UBE2H: variants seen among roughly 807,000 people sequenced by gnomAD.
UBE2H encodes ubiquitin conjugating enzyme E2 H.
A neutral mutation model predicts 29.0 loss-of-function variants in UBE2H; 3 were observed. The ratio of observed to expected loss-of-function variants is 0.10; its 90% CI spans 0.05 to 0.27. The LOEUF is 0.27. UBE2H is among the 10% of genes least tolerant of loss of function. The pLI, the probability that UBE2H is intolerant of heterozygous loss-of-function variation, is 1.00. For synonymous variants in UBE2H, 69 were observed against 82.9 expected (o/e 0.83, Z 0.91); for missense variants, 68 against 228.2 (o/e 0.30, Z 4.52).
intron 1 of UBE2H, among the ~76,000 whole-genome samples, chr7:129,932,903 G>A (rs972411135): frequency 6.6e-6 from 1 of 151,454 alleles, no homozygotes; most frequent in Non-Finnish European, 1.5e-5. Context: ...CATTCCCCTT[G>A]AAAGTATCTT....
At chr7:129,909,456 G>A (rs2116443089) in intron 1 of UBE2H, among the ~76,000 whole-genome samples, 1 of 152,308 alleles carries the variant, frequency 6.6e-6, no homozygotes, top group East Asian at 1.9e-4. Context: ...ACGGTTCAGA[G>A]CCCCAGGTTT....
intron 1 of UBE2H, among the ~76,000 whole-genome samples, chr7:129,928,004 G>A (rs1023269705): frequency 1.4e-5 from 2 of 146,266 alleles, no homozygotes; most frequent in African/African-American, 5.1e-5. Context: ...TGGGCAACAT[G>A]GCGAAATACC....
chr7:129,832,104 C>T lies in UBE2H; in HGVS notation c.*2833G>A, dbSNP rs182528989. 258 of 152,406 alleles carry T rather than the reference C, an allele frequency of 1.7e-3. No homozygotes were observed. The highest frequency in any genetic ancestry group is 5.6e-3 in the African/African-American group (231 of 41,580). The allele number at this position is 152,406 out of a possible 1,614,324, so 9.4% of individuals were successfully genotyped here. A position where few individuals can be genotyped will look rare whatever the true frequency, so the allele number is the denominator to read the frequency against. On this transcript the variant is annotated 3_prime_UTR_variant, in exon 7 of 7. Coordinates refer to ENST00000355621, the MANE Select transcript of UBE2H (RefSeq NM_003344.4). ...GGTGGTGAAACACCGCTGCTCCAGA[C>T]TTACGCTACCATCTATTGTTGGGGG...
At chr7:129,934,495 G>A (rs763256456) in intron 1 of UBE2H, among the ~76,000 whole-genome samples, 11 of 150,704 alleles carry the variant, frequency 7.3e-5, no homozygotes, top group Non-Finnish European at 1.6e-4. Context: ...AAAATTAGTC[G>A]GGCATGGTCG....
intron 1 of UBE2H, among the ~76,000 whole-genome samples, chr7:129,886,110 A>C (rs1806355418): frequency 6.6e-6 from 1 of 152,244 alleles, no homozygotes; most frequent in Non-Finnish European, 1.5e-5. Flanking sequence ...AATATCCTTC[A>C]GACATTGTTC....
intron 1 of UBE2H, among the ~76,000 whole-genome samples, chr7:129,927,316 T>A (rs1484072604): frequency 6.6e-6 from 1 of 151,006 alleles, no homozygotes; most frequent in Non-Finnish European, 1.5e-5. Context: ...CAGAGGGGGG[T>A]GGATCACAAG....
rs915566526 is a variant in UBE2H, at chr7:129,950,677, T to C, written c.53+1826A>G. 5.9e-5 allele frequency among the ~76,000 whole-genome samples: 9 copies of C among 152,336 alleles called. No homozygotes were observed. In the South Asian group the frequency reaches 1.9e-3, roughly 32 times the overall value. ...ATTAAACATTAGGTAGAAATTCGCA[T>C]TAGGTGTGACAGTAACTCTCAATTC... On this transcript the variant is annotated intron_variant, in intron 1 of 6. Transcript: ENST00000355621.
chr7:129,856,461 T>A (rs1285315917), intron 5 of UBE2H, among the ~76,000 whole-genome samples: 1 of 152,018 alleles, frequency 6.6e-6, no homozygotes, highest in East Asian at 1.9e-4. Context: ...AATAATCTAG[T>A]AGCACAAAAA....
intron 1 of UBE2H, among the ~76,000 whole-genome samples, chr7:129,905,667 A>G (rs752586224): frequency 6.6e-6 from 1 of 152,206 alleles, no homozygotes; most frequent in Non-Finnish European, 1.5e-5. Flanking sequence ...CCTCACAGAC[A>G]CAGAAAGAGA....
At chr7:129,899,603 C>G (rs1026672865) in intron 1 of UBE2H, among the ~76,000 whole-genome samples, 1 of 152,058 alleles carries the variant, frequency 6.6e-6, no homozygotes, top group Non-Finnish European at 1.5e-5. Flanking sequence ...TCAGGATTCA[C>G]GAACAAAAAC....
chr7:129,898,826 T>C (rs1806651370), intron 1 of UBE2H, among the ~76,000 whole-genome samples: 1 of 151,330 alleles, frequency 6.6e-6, no homozygotes, highest in African/African-American at 2.4e-5. Context: ...TTTTTTTTTT[T>C]CTTGTCTTTT....
At chr7:129,923,607 C>T (rs562309864) in intron 1 of UBE2H, among the ~76,000 whole-genome samples, 1 of 152,278 alleles carries the variant, frequency 6.6e-6, no homozygotes, top group Non-Finnish European at 1.5e-5. Flanking sequence ...GATGTGGTGG[C>T]TCACACCTGT....
intron 1 of UBE2H, among the ~76,000 whole-genome samples, chr7:129,930,428 T>G (rs1193190979): frequency 1.3e-5 from 2 of 151,932 alleles, no homozygotes; most frequent in Non-Finnish European, 2.9e-5. Flanking sequence ...CCTCCCAAAG[T>G]GTTGGGATTA....
intron 3 of UBE2H, chr7:129,865,195 A>G (rs1356035317): frequency 6.4e-6 from 2 of 310,452 alleles, no homozygotes; most frequent in African/African-American, 2.2e-5. Context: ...CAACTGCTCT[A>G]GAATAACAAA....
intron 3 of UBE2H, among the ~76,000 whole-genome samples, chr7:129,863,811 T>TTTTTTTTTG (rs1554432037): frequency 2.7e-5 from 4 of 150,820 alleles, no homozygotes; most frequent in Non-Finnish European, 4.4e-5. Flanking sequence ...ACTAGGTGTT[T>TTTTTTTTTG]TTTTTTTTTT....
At chr7:129,911,367 T>C (rs1241306388) in intron 1 of UBE2H, among the ~76,000 whole-genome samples, 1 of 96,150 alleles carries the variant, frequency 1.0e-5, no homozygotes, top group African/African-American at 3.1e-5. Context: ...TGAGACTCCG[T>C]CTCAATTAAA....
At chr7:129,911,822 T>G (rs1242883587) in intron 1 of UBE2H, among the ~76,000 whole-genome samples, 1 of 151,988 alleles carries the variant, frequency 6.6e-6, no homozygotes, top group African/African-American at 2.4e-5. Context: ...AAATTTTTCT[T>G]TGTAGGGACG....
intron 3 of UBE2H, among the ~76,000 whole-genome samples, chr7:129,876,326 G>C (rs188823435): frequency 3.3e-5 from 5 of 152,218 alleles, no homozygotes; most frequent in Admixed American, 3.3e-4. Flanking sequence ...CCAGTCCACT[G>C]ACCAATCACA....
intron 5 of UBE2H, among the ~76,000 whole-genome samples, chr7:129,854,075 T>TTTATTTTTTTTTTATTTTTTA (rs1364323952): frequency 2.0e-5 from 3 of 150,094 alleles, no homozygotes; most frequent in Non-Finnish European, 4.5e-5. Flanking sequence ...TTTTTTTTTT[T>TTTATTTTTTTTTTATTTTTTA]TTTTTTTGGC....
Sources: gnomAD v4.1 joint callset for allele counts (sites outside exome capture counted in the v4.1 genomes callset) on GRCh38, gnomAD v4.1.1 for gene constraint, MANE v1.5 for transcripts, NCBI Gene and HGNC (gene_info 2026-07-23, HGNC 2026-07-21) for gene names.